MIPOL1: variants seen among roughly 807,000 people sequenced by gnomAD.
MIPOL1 encodes the protein mirror-image polydactyly 1, also known as mirror-image polydactyly gene 1 protein.
A neutral mutation model predicts 60.9 loss-of-function variants in MIPOL1; 57 were observed. That is an observed-to-expected ratio of 0.94 (90% CI 0.76 to 1.17). The LOEUF is 1.17. MIPOL1 is among the 50% of genes most tolerant of loss of function. The pLI is 0.00. For synonymous variants in MIPOL1, 179 were observed against 168.8 expected, an observed-to-expected ratio of 1.06 and a Z score of -0.47; for missense variants, 551 against 511.6, an observed-to-expected ratio of 1.08 and a Z score of -0.74.
chr14:37,249,254 C>A (rs918532662), intron 3 of MIPOL1, among the ~76,000 whole-genome samples: 1 of 152,076 alleles, frequency 6.6e-6, no homozygotes, highest in Non-Finnish European at 1.5e-5. Context: ...CTGTGTGCAT[C>A]TCTTCCTTTT....
chr14:37,481,518 G>A (rs970433322), intron 11 of MIPOL1, among the ~76,000 whole-genome samples: 1 of 137,790 alleles, frequency 7.3e-6, no homozygotes, highest in African/African-American at 2.7e-5. Context: ...ATTGTTAAAA[G>A]AAATAGAAAA....
At chr14:37,498,314 C>T (rs537542459) in intron 11 of MIPOL1, among the ~76,000 whole-genome samples, 6 of 151,866 alleles carry the variant, frequency 4.0e-5, no homozygotes, top group African/African-American at 7.2e-5. Context: ...TAATTTAAAA[C>T]GTAATTAACA....
At chr14:37,497,106 A>G (rs1035284844) in intron 11 of MIPOL1, among the ~76,000 whole-genome samples, 1 of 152,102 alleles carries the variant, frequency 6.6e-6, no homozygotes, top group African/African-American at 2.4e-5. Context: ...GAAAGCTGAA[A>G]CTGGATCCCT....
intron 1 of MIPOL1, among the ~76,000 whole-genome samples, chr14:37,228,524 T>C (rs1463729611): frequency 6.6e-6 from 1 of 152,040 alleles, no homozygotes; most frequent in Non-Finnish European, 1.5e-5. Flanking sequence ...ACAAACAGTT[T>C]ATTGCTAGGG....
Position 37,491,561 on chromosome 14 carries a change from A to G in MIPOL1, c.1032-8347A>G, listed in dbSNP as rs1453161902. On this transcript the variant is annotated intron_variant, in intron 11 of 12. Transcript: ENST00000684589. ...CCTCCAAAAATTTAGATATTTTTTA[A>G]TGCTTCCTTAGAATTATTTGTATAG... 2.6e-5 allele frequency among the ~76,000 whole-genome samples: 4 copies of G among 152,314 alleles called. No individual in the cohort carries two copies. The East Asian group carries it at 7.7e-4, about 29-fold the overall frequency.
At chr14:37,232,357 C>G (rs1970764628) in intron 1 of MIPOL1, among the ~76,000 whole-genome samples, 1 of 152,148 alleles carries the variant, frequency 6.6e-6, no homozygotes, top group South Asian at 2.1e-4. Context: ...ACAGTGTACT[C>G]TCTGTCCCTT....
intron 11 of MIPOL1, among the ~76,000 whole-genome samples, chr14:37,487,649 T>C (rs765910706): frequency 5.3e-5 from 8 of 152,262 alleles, no homozygotes; most frequent in Non-Finnish European, 1.0e-4. Context: ...TATTCTCTGA[T>C]GGTAGTTTGT....
At chr14:37,507,537 AG>A (rs1329862371) in intron 12 of MIPOL1, 2 of 152,258 alleles carry the variant, frequency 1.3e-5, no homozygotes, top group Non-Finnish European at 2.9e-5. Flanking sequence ...TTTCATTTGT[AG>A]GTGTGAATCA....
At chr14:37,407,934 G>A (rs2093620029) in intron 10 of MIPOL1, among the ~76,000 whole-genome samples, 1 of 132,930 alleles carries the variant, frequency 7.5e-6, no homozygotes, top group African/African-American at 2.9e-5. Flanking sequence ...ACTGCAACCT[G>A]GAACTCCAGG....
chr14:37,461,243 G>A (rs1467736999), intron 11 of MIPOL1, among the ~76,000 whole-genome samples: 3 of 152,266 alleles, frequency 2.0e-5, no homozygotes, highest in Admixed American at 6.5e-5. Flanking sequence ...ACATGGCTGG[G>A]GAGGCCTCAC....
chr14:37,220,315 T>A (rs995098460), intron 1 of MIPOL1, among the ~76,000 whole-genome samples: 1 of 152,192 alleles, frequency 6.6e-6, no homozygotes, highest in Non-Finnish European at 1.5e-5. Flanking sequence ...TAAAAAAAAA[T>A]TTAAACATCG....
chr14:37,534,150 C>G (rs1316644967), intron 12 of MIPOL1, among the ~76,000 whole-genome samples: 1 of 151,134 alleles, frequency 6.6e-6, no homozygotes, highest in Non-Finnish European at 1.5e-5. Flanking sequence ...TTTCCAGAAG[C>G]AGTGATTCAT....
chr14:37,395,769 C>T (rs573911340), intron 10 of MIPOL1, among the ~76,000 whole-genome samples: 6 of 152,180 alleles, frequency 3.9e-5, no homozygotes, highest in African/African-American at 1.4e-4. Context: ...TGTCTGATTG[C>T]TCTGGCTAGG....
chr14:37,423,738 G>T (rs577310659), intron 11 of MIPOL1: 1 of 151,990 alleles, frequency 6.6e-6, no homozygotes, highest in Non-Finnish European at 1.5e-5. Context: ...GTTTTAATTT[G>T]GACCTTTTCT....
chr14:37,298,841 C>G (rs542361333), intron 7 of MIPOL1, among the ~76,000 whole-genome samples: 15 of 150,880 alleles, frequency 9.9e-5, no homozygotes, highest in Admixed American at 6.6e-4. Context: ...CACTTTTACA[C>G]TGTTGGTGGG....
At position 37,548,331 on chromosome 14, in the gene MIPOL1, T is replaced by C. The variant is rs1055914944; in HGVS notation, c.*1360T>C. ...ACTCCACAGGAAAATGTAAGCTACTTTGTCATAGATCACAAAAGAATCATA... is the reference window on the plus strand; with the variant it reads ...ACTCCACAGGAAAATGTAAGCTACTCTGTCATAGATCACAAAAGAATCATA... On this transcript the variant is annotated 3_prime_UTR_variant, in exon 13 of 13. Transcript: ENST00000684589. The C allele has an allele frequency of 2.0e-5, 3 of 152,030 alleles. No homozygotes were observed. The South Asian group carries it at 6.2e-4, about 31-fold the overall frequency. The allele number at this position is 152,030 out of a possible 1,614,324, so 9.4% of individuals were successfully genotyped here.
intron 11 of MIPOL1, among the ~76,000 whole-genome samples, chr14:37,481,326 G>A (rs2094860696): frequency 6.6e-6 from 1 of 152,048 alleles, no homozygotes; most frequent in African/African-American, 2.4e-5. Context: ...AAAAGGAGAT[G>A]TAAGACCTGC....
At chr14:37,461,377 A>G (rs1047612513) in intron 11 of MIPOL1, among the ~76,000 whole-genome samples, 1 of 152,140 alleles carries the variant, frequency 6.6e-6, no homozygotes, top group Non-Finnish European at 1.5e-5. Flanking sequence ...CCCATTCACT[A>G]TCATAAGAAC....
intron 9 of MIPOL1, among the ~76,000 whole-genome samples, chr14:37,333,752 A>T (rs902854598): frequency 2.0e-5 from 3 of 152,086 alleles, no homozygotes; most frequent in Admixed American, 2.0e-4. Flanking sequence ...GAACTAAGGG[A>T]AGAAATACAC....
Sources: gnomAD v4.1 joint callset for allele counts (sites outside exome capture counted in the v4.1 genomes callset) on GRCh38, gnomAD v4.1.1 for gene constraint, MANE v1.5 for transcripts, NCBI Gene and HGNC (gene_info 2026-07-23, HGNC 2026-07-21) for gene names.